TP53I3: variants seen among roughly 807,000 people sequenced by gnomAD.
The protein encoded by TP53I3 is quinone oxidoreductase PIG3.
In TP53I3, 32 loss-of-function variants were observed where a neutral mutation model predicts 27.7. That is an observed-to-expected ratio of 1.16 (90% CI 0.87 to 1.55). The LOEUF is 1.55. Among genes scored for constraint, TP53I3 ranks in the 40% most tolerant of loss-of-function variants. TP53I3 has a pLI of 0.00. For synonymous variants in TP53I3, 138 were observed against 167.8 expected, an observed-to-expected ratio of 0.82 and a Z score of 1.37; for missense variants, 372 against 412.3, an observed-to-expected ratio of 0.90 and a Z score of 0.85.
At position 24,077,499 on chromosome 2, in the gene TP53I3, G is replaced by T; in HGVS notation, c.*80C>A. 6.9e-7 allele frequency: 1 copy of T among 1,451,206 alleles called. No homozygotes were observed. Among genetic ancestry groups the T allele is most frequent in the Non-Finnish European group, 9.2e-7 (1 of 1,085,980 alleles). The allele number at this position is 1,451,206 out of a possible 1,614,324, so 89.9% of individuals were successfully genotyped here. On this transcript the variant is annotated 3_prime_UTR_variant, in exon 5 of 5. Transcript: ENST00000238721. The surrounding 1 kb of genome is among the most constrained non-coding windows in gnomAD (Gnocchi z 5.5). ...CTCTGGAGGAAGCACCGGGTTTCTT[G>T]GCCTGTCTATTGTGAATCTTCTCCA...
At chr2:24,081,081 C>T in intron 2 of TP53I3, 50 bp from the exon 3 acceptor site, 1 of 1,545,272 alleles carries the variant, frequency 6.5e-7, no homozygotes, top group East Asian at 2.3e-5. Context: ...GCTACACATT[C>T]CCCACACAGG....
intron 2 of TP53I3, among the ~76,000 whole-genome samples, chr2:24,081,723 C>T (rs1336516983): frequency 2.7e-5 from 4 of 148,404 alleles, no homozygotes; most frequent in African/African-American, 7.4e-5. Flanking sequence ...GAGTCTCACT[C>T]TGTCACCCAG....
In TP53I3 at chr2:24,077,960, T is replaced by C. The variant is rs1444675401; in HGVS notation, c.817-199A>G. On this transcript the variant is annotated intron_variant, in intron 4 of 4. Coordinates refer to ENST00000238721, the MANE Select transcript of TP53I3 (RefSeq NM_004881.5). This position sits in a 1 kb window ranked among gnomAD's most constrained non-coding sequence, Gnocchi z 5.5. ...CATCTCAGAATATGTCCGATAGGTATATTGTTAATTTTGAGGTGAAAGCAT... is the reference window on the plus strand; with the variant it reads ...CATCTCAGAATATGTCCGATAGGTACATTGTTAATTTTGAGGTGAAAGCAT... Among the ~76,000 whole-genome samples, 1 of 152,192 alleles carries C rather than the reference T, an allele frequency of 6.6e-6. No homozygotes were observed. Among genetic ancestry groups the C allele is most frequent in the Non-Finnish European group, 1.5e-5 (1 of 68,024 alleles).
intron 2 of TP53I3, 47 bp from the exon 3 acceptor site, chr2:24,081,078 A>T: frequency 6.5e-7 from 1 of 1,547,358 alleles, no homozygotes; most frequent in African/African-American, 1.4e-5. Context: ...ACTGCTACAC[A>T]TTCCCCACAC....
chr2:24,079,700 T>G, intron 3 of TP53I3, 60 bp from the exon 4 acceptor site: 1 of 1,511,572 alleles, frequency 6.6e-7, no homozygotes, highest in Non-Finnish European at 9.1e-7. Flanking sequence ...GATACCATGG[T>G]ATATTTGGGG....
At chr2:24,078,480 T>TAAAA (rs36089798) in intron 4 of TP53I3, among the ~76,000 whole-genome samples, 5 of 104,952 alleles carry the variant, frequency 4.8e-5, no homozygotes, top group East Asian at 2.8e-4. Context: ...CCTGTCTCCA[T>TAAAA]AAAAAAAAAA....
chr2:24,083,260 T>C, intron 1 of TP53I3, 108 bp from the exon 2 acceptor site: 1 of 1,430,738 alleles, frequency 7.0e-7, no homozygotes, highest in Non-Finnish European at 9.4e-7. Flanking sequence ...AAAATAAATT[T>C]CAGAATGAAG....
chr2:24,079,568 A>G lies in TP53I3; in HGVS notation c.692T>C (p.Leu231Pro), dbSNP rs1315641199. 4 of 1,614,196 alleles carry G rather than the reference A, an allele frequency of 2.5e-6. No homozygotes were observed. Among genetic ancestry groups the G allele is most frequent in the Non-Finnish European group, 2.5e-6 (3 of 1,180,036 alleles). Residue 231 changes from leucine (L) to proline (P), a missense_variant, in exon 4 of 5, where the codon CTT becomes CCT. Physicochemically the swap from Leu to Pro is moderately conservative, Grantham distance 98. Transcript: ENST00000238721. ...ACCATAGAGAACCCATCGACCATCAAGAGCCAGGCAGTTGACGTTCTTCTC... is the reference window on the plus strand; with the variant it reads ...ACCATAGAGAACCCATCGACCATCAGGAGCCAGGCAGTTGACGTTCTTCTC... ...YWEKNVNCLA[L>P]DGRWVLYGLM...
Position 24,080,303 on chromosome 2 carries a change from C to T in TP53I3, c.619+516G>A, listed in dbSNP as rs10204305. ...CTGGGAGGCGGAGGTTGCAGCGAGC[C>T]GAGATCAAGCCACTGCACGCCATCC... is the stretch of plus-strand genomic sequence containing the variant. On this transcript the variant is annotated intron_variant, in intron 3 of 4. Coordinates refer to ENST00000238721, the MANE Select transcript of TP53I3 (RefSeq NM_004881.5). The surrounding 1 kb of genome is among the most constrained non-coding windows in gnomAD (Gnocchi z 4.7). Among the ~76,000 whole-genome samples, 18,034 of 151,064 alleles carry T rather than the reference C, an allele frequency of 0.12. 1,250 individuals are homozygous for T. The highest frequency in any genetic ancestry group is 0.18 in the South Asian group (858 of 4,782).
chr2:24,084,281 A>T lies in TP53I3; in HGVS notation c.46T>A (p.Tyr16Asn). The T allele has an allele frequency of 6.2e-7, 1 of 1,614,094 alleles. No homozygotes were observed. The highest frequency in any genetic ancestry group is 8.5e-7 in the Non-Finnish European group (1 of 1,179,990). Reference protein sequence around the residue: ...FDKPGGPENLYVKEVAKPSPG... With the variant: ...FDKPGGPENLNVKEVAKPSPG... ...CTCGGCTTGGCCACCTCCTTCACGT[A>T]GAGGTTTTCCGGTCCTCCCGGCTTG... The change falls in exon 1 of 5, where the codon TAC (tyrosine) becomes AAC (asparagine). Residue 16 changes from tyrosine to asparagine, a missense_variant. Coordinates refer to ENST00000238721, the MANE Select transcript of TP53I3 (RefSeq NM_004881.5). The surrounding 1 kb of genome is among the most constrained non-coding windows in gnomAD (Gnocchi z 8.4).
Position 24,080,002 on chromosome 2 carries a change from C to T in TP53I3, c.620-362G>A, listed in dbSNP as rs1038115503. On this transcript the variant is annotated intron_variant, in intron 3 of 4. Coordinates refer to ENST00000238721, the MANE Select transcript of TP53I3 (RefSeq NM_004881.5). This position sits in a 1 kb window ranked among gnomAD's most constrained non-coding sequence, Gnocchi z 4.7. ...TCACATAGAAGTTAGGAAGTGTCCG[C>T]ACTAGGTTATTGGAATCATAGGCTT... is the stretch of plus-strand genomic sequence containing the variant. 2.6e-5 allele frequency among the ~76,000 whole-genome samples: 4 copies of T among 152,136 alleles called. No homozygotes were observed. Among genetic ancestry groups the T allele is most frequent in the African/African-American group, 9.7e-5 (4 of 41,428 alleles).
In TP53I3 at chr2:24,084,291, C is replaced by T. The variant is rs1279300641; in HGVS notation, c.36G>A (p.Pro12=). Residue 12 remains proline, a synonymous_variant, in exon 1 of 5, where the codon CCG becomes CCA. Coordinates refer to ENST00000238721, the MANE Select transcript of TP53I3 (RefSeq NM_004881.5). This position sits in a 1 kb window ranked among gnomAD's most constrained non-coding sequence, Gnocchi z 8.4. ...LAVHFDKPGG[P]ENLYVKEVAK... ...CCACCTCCTTCACGTAGAGGTTTTC[C>T]GGTCCTCCCGGCTTGTCAAAGTGCA... The T allele has an allele frequency of 1.2e-6, 2 of 1,614,042 alleles. No homozygotes were observed. The highest frequency in any genetic ancestry group is 8.5e-7 in the Non-Finnish European group (1 of 1,179,988).
Position 24,078,280 on chromosome 2 carries a change from C to T in TP53I3, c.817-519G>A, listed in dbSNP as rs557705395. ...TCTTCTCAAATTTATTGTTCTTTGTCTAAAAATTACAAAAGCATCTTACTT... is the reference window on the plus strand; with the variant it reads ...TCTTCTCAAATTTATTGTTCTTTGTTTAAAAATTACAAAAGCATCTTACTT... On this transcript the variant is annotated intron_variant, in intron 4 of 4. Coordinates refer to ENST00000238721, the MANE Select transcript of TP53I3 (RefSeq NM_004881.5). 3.9e-5 allele frequency among the ~76,000 whole-genome samples: 6 copies of T among 151,934 alleles called. No homozygotes were observed. The South Asian group carries it at 1.0e-3, about 26-fold the overall frequency.
rs1187113451 is a variant in TP53I3 at position 24,084,717 on chromosome 2, T to C, written c.-391A>G. On this transcript the variant is annotated 5_prime_UTR_variant, in exon 1 of 5. It adds an upstream start codon to the 5' untranslated region. Transcript: ENST00000238721. This position sits in a 1 kb window ranked among gnomAD's most constrained non-coding sequence, Gnocchi z 8.4. ...GCCCGACCCGGGTCCCCGGCGCCCG[T>C]ATGAGTTACTTACTCCTGGCCCGGC... The C allele has an allele frequency of 5.9e-6, 1 of 169,454 alleles. No individual in the cohort carries two copies. Among genetic ancestry groups the C allele is most frequent in the East Asian group, 1.7e-4 (1 of 5,954 alleles). 10.5% of individuals were successfully genotyped at this position (169,454 alleles called of 1,614,324 possible). A position where few individuals can be genotyped will look rare whatever the true frequency, so the allele number is the denominator to read the frequency against.
Position 24,077,481 on chromosome 2 carries a change from G to A in TP53I3, c.*98C>T. ...CATATCAGCTTTAAACGGCTCTGGA[G>A]GAAGCACCGGGTTTCTTGGCCTGTC... On this transcript the variant is annotated 3_prime_UTR_variant, in exon 5 of 5. Coordinates refer to ENST00000238721, the MANE Select transcript of TP53I3 (RefSeq NM_004881.5). This position sits in a 1 kb window ranked among gnomAD's most constrained non-coding sequence, Gnocchi z 5.5. 7.3e-7 allele frequency: 1 copy of A among 1,378,446 alleles called. No homozygotes were observed. Among genetic ancestry groups the A allele is most frequent in the Non-Finnish European group, 9.7e-7 (1 of 1,031,462 alleles). The allele number at this position is 1,378,446 out of a possible 1,614,324, so 85.4% of individuals were successfully genotyped here. A position where few individuals can be genotyped will look rare whatever the true frequency, so the allele number is the denominator to read the frequency against.
rs1254457989 is a variant in TP53I3 at position 24,079,514 on chromosome 2, G to A, written c.746C>T (p.Pro249Leu). 1 of 1,613,974 alleles carries A rather than the reference G, an allele frequency of 6.2e-7. No individual in the cohort carries two copies. Among genetic ancestry groups the A allele is most frequent in the Non-Finnish European group, 8.5e-7 (1 of 1,180,002 alleles). Residue 249 changes from proline (P) to leucine (L), a missense_variant, in exon 4 of 5, where the codon CCC becomes CTC. Pro to Leu is a moderately conservative substitution (Grantham distance 98, BLOSUM62 -3). Coordinates refer to ENST00000238721, the MANE Select transcript of TP53I3 (RefSeq NM_004881.5). ...CTTAAAAAGTAGCTTTGAAAACAGG[G>A]GCCCATTGATGTCACCTCCTCCCAT... ...GLMGGGDING[P>L]LFSKLLFKRG...
At chr2:24,083,983 C>T (rs1047906692) in intron 1 of TP53I3, among the ~76,000 whole-genome samples, 10 of 152,172 alleles carry the variant, frequency 6.6e-5, no homozygotes, top group Admixed American at 2.0e-4. Context: ...TGGATTAGCT[C>T]GGGGTGGATT....
Position 24,084,380 on chromosome 2 carries a change from G to T in TP53I3, c.-54C>A. The T allele has an allele frequency of 8.6e-7, 1 of 1,158,268 alleles. No homozygotes were observed. The highest frequency in any genetic ancestry group is 1.2e-6 in the Non-Finnish European group (1 of 831,694). 71.7% of individuals were successfully genotyped at this position (1,158,268 alleles called of 1,614,324 possible). A position where few individuals can be genotyped will look rare whatever the true frequency, so the allele number is the denominator to read the frequency against. ...GCAGGACAGGACAGGGCAGGGCAGG[G>T]CAGGACAGGACAGGGCAGGGCAGGA... On this transcript the variant is annotated 5_prime_UTR_variant, in exon 1 of 5. Coordinates refer to ENST00000238721, the MANE Select transcript of TP53I3 (RefSeq NM_004881.5). This position sits in a 1 kb window ranked among gnomAD's most constrained non-coding sequence, Gnocchi z 8.4.
chr2:24,078,688 C>T, intron 4 of TP53I3, among the ~76,000 whole-genome samples: 1 of 152,076 alleles, frequency 6.6e-6, no homozygotes, highest in Non-Finnish European at 1.5e-5. Context: ...GTGTCACTGA[C>T]AGCCTAAGAA....
Sources: allele counts gnomAD v4.1 joint callset (sites outside exome capture counted in the v4.1 genomes callset), GRCh38; gene constraint gnomAD v4.1.1; non-coding constraint Gnocchi (gnomAD v3.1); transcripts MANE v1.5; gene names NCBI Gene and HGNC (gene_info 2026-07-23, HGNC 2026-07-21).